Variants in DIS3L2 observed in about 807,000 individuals in gnomAD.
The protein encoded by DIS3L2 is DIS3-like exonuclease 2.
Under a neutral mutation model 97.5 loss-of-function variants are expected in DIS3L2, and 34 were observed. That is an observed-to-expected ratio of 0.35 (90% CI 0.27 to 0.46). DIS3L2 has a LOEUF of 0.46. Ranked by LOEUF, DIS3L2 falls within the 20% of genes least tolerant of loss-of-function variation. The probability of loss-of-function intolerance (pLI) is 1.00; values close to 1 mark genes in which losing one functional copy is unlikely to be tolerated. For missense variants in DIS3L2, 1,038 were observed against 1,146.0 expected, an observed-to-expected ratio of 0.91 and a Z score of 1.36; for synonymous variants, 435 against 445.2, an observed-to-expected ratio of 0.98 and a Z score of 0.29.
chr2:232,312,877 T>A (rs1184361581), intron 14 of DIS3L2, among the ~76,000 whole-genome samples: 1 of 152,254 alleles, frequency 6.6e-6, no homozygotes, highest in Non-Finnish European at 1.5e-5. Flanking sequence ...AATTTTCTCT[T>A]TGTTGCTAAT....
intron 5 of DIS3L2, among the ~76,000 whole-genome samples, chr2:232,083,019 G>C (rs1258255632): frequency 6.6e-6 from 1 of 152,082 alleles, no homozygotes; most frequent in African/African-American, 2.4e-5. Flanking sequence ...AAAACCATCA[G>C]ATCATGTGAG....
intron 5 of DIS3L2, among the ~76,000 whole-genome samples, chr2:232,086,643 A>ATATATATACACATATATATATG: frequency 1.2e-5 from 1 of 81,930 alleles, no homozygotes; most frequent in East Asian, 6.8e-4. Context: ...ATATATATAT[A>ATATATATACACATATATATATG]TGTATATATA....
chr2:232,229,429 G>C (rs778364074), intron 10 of DIS3L2, among the ~76,000 whole-genome samples: 1 of 152,186 alleles, frequency 6.6e-6, no homozygotes, highest in African/African-American at 2.4e-5. Context: ...CCAAGTGCCT[G>C]CCCTGCTGCT....
intron 14 of DIS3L2, among the ~76,000 whole-genome samples, chr2:232,316,634 G>C (rs6743962): frequency 0.3 from 45,125 of 152,108 alleles, 7,717 homozygotes; most frequent in East Asian, 0.48. Context: ...GGCACACTTG[G>C]GTTCCCGGCC....
Position 232,015,530 on chromosome 2 carries a change from T to C in DIS3L2, c.69T>C (p.Ala23=). 6.2e-7 allele frequency: 1 copy of C among 1,614,038 alleles called. No homozygotes were observed. The highest frequency in any genetic ancestry group is 8.5e-7 in the Non-Finnish European group (1 of 1,179,932). ...TGTTTCTAGGTGTGTCTGCTGTGGC[T>C]GGTCCACATGACATTGGTGCTTCGC... ...LGTPRGVSAV[A]GPHDIGASPG... is the part of the protein sequence containing the mutation. The change falls in exon 3 of 21, where the codon GCT becomes GCC. Residue 23 remains alanine, a synonymous_variant. Transcript: ENST00000325385.
chr2:232,034,561 G>A (rs1021671239), intron 5 of DIS3L2, among the ~76,000 whole-genome samples: 3 of 152,110 alleles, frequency 2.0e-5, no homozygotes, highest in Non-Finnish European at 4.4e-5. Context: ...TGTGATGTTA[G>A]GGTGTTGATT....
chr2:232,321,730 G>C (rs952225805), intron 14 of DIS3L2, among the ~76,000 whole-genome samples: 8 of 152,212 alleles, frequency 5.3e-5, no homozygotes, highest in African/African-American at 1.4e-4. Context: ...GCCGTGGCGC[G>C]GGCCTGAGTG....
Position 232,042,271 on chromosome 2 carries a change from C to G in DIS3L2, c.366+12191C>G, listed in dbSNP as rs145025515. Reference sequence around the variant, plus strand: ...TACAGTAAAGTGTTTCCTTTGACAACTAACTTTTCCTTCAAGTGATTGTTT... The same window carrying G: ...TACAGTAAAGTGTTTCCTTTGACAAGTAACTTTTCCTTCAAGTGATTGTTT... On this transcript the variant is annotated intron_variant, in intron 5 of 20. Coordinates refer to ENST00000325385, the MANE Select transcript of DIS3L2 (RefSeq NM_152383.5). Among the ~76,000 whole-genome samples the G allele has an allele frequency of 7.2e-5, 11 of 152,152 alleles. No homozygotes were observed. In the South Asian group the frequency reaches 2.3e-3, roughly 32 times the overall value.
At chr2:231,965,903 C>T (rs1268519116) in intron 1 of DIS3L2, among the ~76,000 whole-genome samples, 3 of 151,952 alleles carry the variant, frequency 2.0e-5, no homozygotes, top group African/African-American at 7.3e-5. Flanking sequence ...ACTGTGGCCT[C>T]GACCTTCTGG....
intron 8 of DIS3L2, among the ~76,000 whole-genome samples, chr2:232,137,436 G>A (rs1698389991): frequency 6.6e-6 from 1 of 152,218 alleles, no homozygotes; most frequent in African/African-American, 2.4e-5. Context: ...TATAGATGAT[G>A]TCTGGTTTAT....
intron 9 of DIS3L2, among the ~76,000 whole-genome samples, chr2:232,174,415 G>T (rs758658982): frequency 1.3e-5 from 2 of 151,580 alleles, no homozygotes; most frequent in Admixed American, 6.6e-5. Flanking sequence ...GTGAAACCCC[G>T]TCTCTATTAA....
At chr2:232,337,815 T>G (rs1324441044), downstream of DIS3L2, among the ~76,000 whole-genome samples, 2 of 151,702 alleles carry the variant, frequency 1.3e-5, no homozygotes, top group Non-Finnish European at 2.9e-5. Flanking sequence ...CGACAGTGAC[T>G]GGGTACTGCT....
chr2:232,318,695 A>G (rs899113106), intron 14 of DIS3L2, among the ~76,000 whole-genome samples: 1 of 152,050 alleles, frequency 6.6e-6, no homozygotes, highest in Non-Finnish European at 1.5e-5. Flanking sequence ...GTAGGCCCCA[A>G]CCCACCCCAG....
At chr2:232,086,951 G>A (rs1487734815) in intron 5 of DIS3L2, among the ~76,000 whole-genome samples, 6 of 151,860 alleles carry the variant, frequency 4.0e-5, no homozygotes, top group Admixed American at 3.9e-4. Flanking sequence ...AAAGTGCTGG[G>A]ATTACAGGCT....
intron 6 of DIS3L2, among the ~76,000 whole-genome samples, chr2:232,105,048 G>T (rs1007758209): frequency 6.6e-6 from 1 of 152,112 alleles, no homozygotes; most frequent in Non-Finnish European, 1.5e-5. Context: ...AAACTCTTGA[G>T]ATCAAGTGGT....
chr2:231,963,236 G>A (rs2106209523), intron 1 of DIS3L2, among the ~76,000 whole-genome samples: 1 of 152,242 alleles, frequency 6.6e-6, no homozygotes, highest in Non-Finnish European at 1.5e-5. Context: ...AGCCTAATGA[G>A]GATCTGTTGT....
intron 10 of DIS3L2, among the ~76,000 whole-genome samples, chr2:232,220,266 G>A (rs371596870): frequency 1.3e-5 from 2 of 151,452 alleles, no homozygotes; most frequent in East Asian, 1.9e-4. Context: ...CCAAGATGGC[G>A]CCACTGCACT....
intron 1 of DIS3L2, among the ~76,000 whole-genome samples, chr2:231,974,639 A>G (rs189766155): frequency 1.8e-3 from 274 of 151,502 alleles, no homozygotes; most frequent in African/African-American, 6.1e-3. Flanking sequence ...ATTTTTTTAC[A>G]TAGCTGTCTC....
rs145422312 is a variant in DIS3L2, at chr2:232,245,119, T to C, written c.1318-4120T>C. 1.4e-4 allele frequency among the ~76,000 whole-genome samples: 21 copies of C among 152,306 alleles called. No individual in the cohort carries two copies. In the East Asian group the frequency reaches 4.0e-3, roughly 29 times the overall value. On this transcript the variant is annotated intron_variant, in intron 11 of 20. Coordinates refer to ENST00000325385, the MANE Select transcript of DIS3L2 (RefSeq NM_152383.5). ...GGAAAAGGATCAAGGGGTCAGGGAA[T>C]GTATGAACATTTGCACAGTTCTAAT...
Sources: gnomAD v4.1 joint callset for allele counts (sites outside exome capture counted in the v4.1 genomes callset) on GRCh38, gnomAD v4.1.1 for gene constraint, MANE v1.5 for transcripts, NCBI Gene and HGNC (gene_info 2026-07-23, HGNC 2026-07-21) for gene names.